PPP1R13B: variants seen among roughly 807,000 people sequenced by gnomAD.
PPP1R13B encodes the protein protein phosphatase 1 regulatory subunit 13B.
In PPP1R13B, 44 loss-of-function variants were observed where a neutral mutation model predicts 119.8. The ratio of observed to expected loss-of-function variants is 0.37; its 90% CI spans 0.29 to 0.47. The LOEUF (loss-of-function observed/expected upper bound fraction) is 0.47, where lower values mean the gene tolerates loss of function less well. PPP1R13B is among the 20% of genes least tolerant of loss of function. The pLI, the probability that PPP1R13B is intolerant of heterozygous loss-of-function variation, is 0.99. For missense variants in PPP1R13B, 1,227 were observed against 1,413.5 expected (o/e 0.87, Z 2.12); for synonymous variants, 542 against 561.5 (o/e 0.97, Z 0.49).
At chr14:103,758,931 T>G (rs1004330511) in intron 4 of PPP1R13B, among the ~76,000 whole-genome samples, 1 of 152,082 alleles carries the variant, frequency 6.6e-6, no homozygotes, top group Non-Finnish European at 1.5e-5. Flanking sequence ...TCTTGACTCT[T>G]GAAACATGGG....
intron 1 of PPP1R13B, among the ~76,000 whole-genome samples, chr14:103,804,409 G>A (rs1383365799): frequency 5.3e-5 from 8 of 152,116 alleles, no homozygotes; most frequent in African/African-American, 1.7e-4. Flanking sequence ...AACACAAATT[G>A]AGGATGTATA....
chr14:103,750,561 T>C (rs1316509684), intron 7 of PPP1R13B, among the ~76,000 whole-genome samples: 1 of 152,212 alleles, frequency 6.6e-6, no homozygotes, highest in East Asian at 1.9e-4. Flanking sequence ...CCGGGTGCGG[T>C]GGCTCACGCC....
chr14:103,758,539 G>C (rs2084730281), intron 4 of PPP1R13B, among the ~76,000 whole-genome samples: 2 of 152,222 alleles, frequency 1.3e-5, no homozygotes, highest in Non-Finnish European at 2.9e-5. Flanking sequence ...CACGTGCACT[G>C]TGTACTGTGA....
chr14:103,765,046 C>T (rs2084907393), intron 4 of PPP1R13B, among the ~76,000 whole-genome samples: 1 of 152,214 alleles, frequency 6.6e-6, no homozygotes, highest in Non-Finnish European at 1.5e-5. Context: ...TCTCGATCTC[C>T]TGACCTCGTG....
intron 1 of PPP1R13B, among the ~76,000 whole-genome samples, chr14:103,845,485 G>C (rs1471304083): frequency 6.6e-6 from 1 of 152,118 alleles, no homozygotes; most frequent in Non-Finnish European, 1.5e-5. Flanking sequence ...TTAAAAAACA[G>C]TATTTTATTG....
At chr14:103,795,834 G>T (rs1279307785) in intron 2 of PPP1R13B, among the ~76,000 whole-genome samples, 2 of 152,126 alleles carry the variant, frequency 1.3e-5, no homozygotes, top group African/African-American at 4.8e-5. Flanking sequence ...TCAAAGTCAA[G>T]TTTCTCTCCA....
intron 2 of PPP1R13B, chr14:103,794,651 G>C (rs2152037732): frequency 2.2e-6 from 1 of 446,760 alleles, no homozygotes; most frequent in African/African-American, 2.0e-5. Flanking sequence ...TTTATGTGAG[G>C]GTTCTCTGAA....
intron 1 of PPP1R13B, among the ~76,000 whole-genome samples, chr14:103,845,116 T>TTA (rs1309305196): frequency 5.3e-5 from 8 of 152,232 alleles, no homozygotes; most frequent in African/African-American, 1.9e-4. Flanking sequence ...CTTTACATTT[T>TTA]TATTGGACAG....
chr14:103,761,490 G>A (rs1223524307), intron 4 of PPP1R13B, among the ~76,000 whole-genome samples: 10 of 151,926 alleles, frequency 6.6e-5, no homozygotes, highest in African/African-American at 2.2e-4. Flanking sequence ...TAGGCCGGGC[G>A]CTGTGGCTCA....
At chr14:103,812,118 CTG>C (rs2086172207) in intron 1 of PPP1R13B, among the ~76,000 whole-genome samples, 1 of 127,006 alleles carries the variant, frequency 7.9e-6, no homozygotes, top group Non-Finnish European at 1.7e-5. Flanking sequence ...GTTTTTGTTT[CTG>C]TGTGTGGTTT....
Position 103,776,168 on chromosome 14 carries a change from A to AGGAG in PPP1R13B, c.354+2573_354+2576dup, listed in dbSNP as rs1234464489. ...AGGAAGGAAGGAAGGGAGGAAGGGA[A>AGGAG]GGAGGGAGGGAGGGAGGGAGGAAGG... is the stretch of plus-strand genomic sequence containing the variant. On this transcript the variant is annotated intron_variant, in intron 4 of 16. Coordinates refer to ENST00000202556, the MANE Select transcript of PPP1R13B (RefSeq NM_015316.3). Among the ~76,000 whole-genome samples, 518 of 61,578 alleles carry AGGAG rather than the reference A, an allele frequency of 8.4e-3. 31 individuals are homozygous for AGGAG. Among genetic ancestry groups the AGGAG allele is most frequent in the Middle Eastern group, 0.031 (4 of 130 alleles). 40.4% of individuals were successfully genotyped at this position (61,578 alleles called of 152,430 possible).
intron 1 of PPP1R13B, among the ~76,000 whole-genome samples, chr14:103,809,441 T>C (rs1007337423): frequency 1.3e-5 from 2 of 152,152 alleles, no homozygotes; most frequent in Non-Finnish European, 2.9e-5. Flanking sequence ...TCATACAGCT[T>C]TCCATAATAC....
chr14:103,752,450 T>G (rs2084572284), intron 7 of PPP1R13B, among the ~76,000 whole-genome samples: 1 of 151,986 alleles, frequency 6.6e-6, no homozygotes, highest in African/African-American at 2.4e-5. Context: ...TGGCGGTGGA[T>G]GTAACTGACA....
chr14:103,749,111 A>T (rs1174948967), intron 8 of PPP1R13B, among the ~76,000 whole-genome samples: 3 of 152,234 alleles, frequency 2.0e-5, no homozygotes, highest in Non-Finnish European at 4.4e-5. Context: ...GACGCTGGCA[A>T]GTCCAAAATC....
intron 2 of PPP1R13B, among the ~76,000 whole-genome samples, chr14:103,786,702 T>C (rs1159344244): frequency 7.2e-6 from 1 of 139,006 alleles, no homozygotes; most frequent in Non-Finnish European, 1.5e-5. Context: ...GAGGCGGAGG[T>C]TGCAGTGAGC....
rs1431827119 is a variant in PPP1R13B at position 103,750,005 on chromosome 14, TA to T, written c.829-72del. 6 of 1,530,688 alleles carry T rather than the reference TA, an allele frequency of 3.9e-6. No individual in the cohort carries two copies. In the African/African-American group the frequency reaches 7.0e-5, roughly 18 times the overall value. 94.8% of individuals were successfully genotyped at this position (1,530,688 alleles called of 1,614,324 possible). A position where few individuals can be genotyped will look rare whatever the true frequency, so the allele number is the denominator to read the frequency against. ...GTCAAATTCTCATTGCCAGGGAGAT[TA>T]AAAAAGAAAAAGTAGCATTAAGTTC... is the stretch of plus-strand genomic sequence containing the variant. On this transcript the variant is annotated intron_variant, in intron 7 of 16. Coordinates refer to ENST00000202556, the MANE Select transcript of PPP1R13B (RefSeq NM_015316.3).
rs1228449173 is a variant in PPP1R13B at position 103,741,929 on chromosome 14, C to T, written c.1683G>A (p.Gly561=). 1.2e-6 allele frequency: 2 copies of T among 1,614,092 alleles called. No homozygotes were observed. The highest frequency in any genetic ancestry group is 2.2e-5 in the East Asian group (1 of 44,898). ...VAIRPFLADK[G]SRPQSPRKGP... ...CTTTCCTGGGAGACTGTGGCCTTGA[C>T]CCTTTATCAGCCAGGAAAGGCCTAA... The change falls in exon 11 of 17, where the codon GGG becomes GGA. Residue 561 remains glycine, a synonymous_variant. Transcript: ENST00000202556.
intron 1 of PPP1R13B, among the ~76,000 whole-genome samples, chr14:103,814,236 C>T (rs1055943039): frequency 8.0e-4 from 122 of 152,274 alleles, no homozygotes; most frequent in Middle Eastern, 3.4e-3. Context: ...ATAATCCCAG[C>T]TACTTGGGAG....
chr14:103,749,706 G>C (rs2084490916), intron 8 of PPP1R13B, 88 bp downstream of exon 8: 2 of 1,304,338 alleles, frequency 1.5e-6, no homozygotes, highest in Admixed American at 4.1e-5. Context: ...TATGGTGGAT[G>C]GGGGAGCATA....
Sources: allele counts gnomAD v4.1 joint callset (sites outside exome capture counted in the v4.1 genomes callset), GRCh38; gene constraint gnomAD v4.1.1; transcripts MANE v1.5; gene names NCBI Gene and HGNC (gene_info 2026-07-23, HGNC 2026-07-21).